UST: variants seen among roughly 807,000 people sequenced by gnomAD.
UST encodes uronyl 2-sulfotransferase, also known as chondroitin sulfate 2-O-sulfotransferase.
In UST, 21 loss-of-function variants were observed where a neutral mutation model predicts 45.6. The ratio of observed to expected loss-of-function variants is 0.46; its 90% confidence interval spans 0.33 to 0.66. The LOEUF (loss-of-function observed/expected upper bound fraction) is 0.66, where lower values mean the gene tolerates loss of function less well. Among genes scored for constraint, UST ranks in the 30% least tolerant of loss-of-function variants. The pLI is 0.02. For missense variants in UST, 463 were observed against 512.4 expected, an observed-to-expected ratio of 0.90 and a Z score of 0.93; for synonymous variants, 215 against 200.6, an observed-to-expected ratio of 1.07 and a Z score of -0.61.
intron 2 of UST, among the ~76,000 whole-genome samples, chr6:148,914,567 G>A (rs930972442): frequency 6.6e-6 from 1 of 152,170 alleles, no homozygotes; most frequent in Non-Finnish European, 1.5e-5. Flanking sequence ...GAATGTTTGT[G>A]TCCTCCCAAA....
At position 148,934,011 on chromosome 6, in the gene UST, T is replaced by C. The variant is rs1045539262; in HGVS notation, c.292-7268T>C. Among the ~76,000 whole-genome samples the C allele has an allele frequency of 5.9e-5, 9 of 152,346 alleles. No homozygotes were observed. Among genetic ancestry groups the C allele is most frequent in the African/African-American group, 2.2e-4 (9 of 41,590 alleles). ...ACAAACAAGGAAACACGGTAAAATC[T>C]AGTTTTAACTTTTAAGGCGTTTTCC... On this transcript the variant is annotated intron_variant, in intron 2 of 7. Coordinates refer to ENST00000367463, the MANE Select transcript of UST (RefSeq NM_005715.3). The surrounding 1 kb of genome is among the most constrained non-coding windows in gnomAD (Gnocchi z 4.1).
intron 1 of UST, among the ~76,000 whole-genome samples, chr6:148,791,527 A>G (rs185715411): frequency 5.3e-5 from 8 of 152,290 alleles, no homozygotes; most frequent in Non-Finnish European, 7.4e-5. Context: ...TTTCCACTCA[A>G]TTGCTCACTG....
At position 148,877,970 on chromosome 6, in the gene UST, G is replaced by GGGGGATCGTGTATGAGTGT. The variant is rs796660455; in HGVS notation, c.248-9004_248-9003insTGAGTGTGGGGATCGTGTA. Among the ~76,000 whole-genome samples the GGGGGATCGTGTATGAGTGT allele has an allele frequency of 5.0e-3, 454 of 90,456 alleles. 36 individuals carry two copies. Among genetic ancestry groups the GGGGGATCGTGTATGAGTGT allele is most frequent in the African/African-American group, 0.014 (260 of 18,696 alleles). The allele number at this position is 90,456 out of a possible 152,430, so 59.3% of individuals were successfully genotyped here. A position where few individuals can be genotyped will look rare whatever the true frequency, so the allele number is the denominator to read the frequency against. On this transcript the variant is annotated intron_variant, in intron 1 of 7. Coordinates refer to ENST00000367463, the MANE Select transcript of UST (RefSeq NM_005715.3). ...TGAGTGCGGGGGTCGTGTATGAGTGGGGGGATCGTGTACGAGTGTGGGGAG... is the reference window on the plus strand; with the variant it reads ...TGAGTGCGGGGGTCGTGTATGAGTGGGGGGATCGTGTATGAGTGTGGGGATCGTGTACGAGTGTGGGGAG...
At chr6:148,809,164 T>C (rs1777205476) in intron 1 of UST, among the ~76,000 whole-genome samples, 1 of 152,238 alleles carries the variant, frequency 6.6e-6, no homozygotes, top group African/African-American at 2.4e-5. Context: ...CACAGCTCAC[T>C]CAGGCCTTTG....
At chr6:148,826,287 A>G (rs1233664696) in intron 1 of UST, among the ~76,000 whole-genome samples, 2 of 152,074 alleles carry the variant, frequency 1.3e-5, no homozygotes, top group South Asian at 2.1e-4. Context: ...TAATTTTTGT[A>G]CTTTTAGTAG....
At chr6:148,765,734 A>G (rs553397082) in intron 1 of UST, among the ~76,000 whole-genome samples, 1 of 152,258 alleles carries the variant, frequency 6.6e-6, no homozygotes, top group South Asian at 2.1e-4. Context: ...CAGGCATAAG[A>G]AATTATAAAA....
intron 5 of UST, among the ~76,000 whole-genome samples, chr6:148,966,106 C>G (rs1780791386): frequency 1.3e-5 from 2 of 151,946 alleles, no homozygotes; most frequent in South Asian, 4.2e-4. Flanking sequence ...TGCCTGTGAT[C>G]CCAGCGAATT....
intron 1 of UST, among the ~76,000 whole-genome samples, chr6:148,778,517 G>T (rs946541714): frequency 6.6e-5 from 10 of 152,150 alleles, no homozygotes; most frequent in Non-Finnish European, 5.9e-5. Flanking sequence ...TTCCTGAGGC[G>T]AACACTGGCA....
intron 7 of UST, among the ~76,000 whole-genome samples, chr6:149,033,119 TG>T (rs1168018810): frequency 2.6e-5 from 4 of 152,312 alleles, no homozygotes; most frequent in South Asian, 4.1e-4. Context: ...AAAACGACCT[TG>T]TGGTCAGTTT....
At chr6:149,039,596 C>A (rs1165332371) in intron 7 of UST, among the ~76,000 whole-genome samples, 1 of 152,176 alleles carries the variant, frequency 6.6e-6, no homozygotes, top group African/African-American at 2.4e-5. Flanking sequence ...AGTCTAAGGA[C>A]CATACTCAGG....
chr6:148,924,007 ATGAGC>A (rs1301058511), intron 2 of UST, among the ~76,000 whole-genome samples: 4 of 152,188 alleles, frequency 2.6e-5, no homozygotes, highest in African/African-American at 9.7e-5. Flanking sequence ...ATTCAATGAA[ATGAGC>A]TTTATAAAGC....
chr6:149,031,100 A>G (rs770957512), intron 7 of UST, among the ~76,000 whole-genome samples: 1 of 151,958 alleles, frequency 6.6e-6, no homozygotes, highest in Non-Finnish European at 1.5e-5. Context: ...CCAGCTACTC[A>G]GGAGGCTGAG....
chr6:148,987,305 C>A (rs1781256330), intron 5 of UST, among the ~76,000 whole-genome samples: 1 of 152,152 alleles, frequency 6.6e-6, no homozygotes, highest in East Asian at 1.9e-4. Flanking sequence ...GCTTCCAGAT[C>A]TCCAGACTCT....
chr6:148,905,192 T>G (rs1228539310), intron 2 of UST, among the ~76,000 whole-genome samples: 1 of 152,222 alleles, frequency 6.6e-6, no homozygotes, highest in Non-Finnish European at 1.5e-5. Flanking sequence ...TGGGTACAGA[T>G]GGAGTGGCCT....
At chr6:148,901,806 G>A (rs544518563) in intron 2 of UST, among the ~76,000 whole-genome samples, 34 of 152,236 alleles carry the variant, frequency 2.2e-4, no homozygotes, top group African/African-American at 7.7e-4. Flanking sequence ...TGGTCCACCC[G>A]CCTCGGCCTC....
chr6:149,056,119 T>C (rs13207690), intron 7 of UST, among the ~76,000 whole-genome samples: 10 of 33,656 alleles, frequency 3.0e-4, no homozygotes, highest in African/African-American at 1.4e-3. Context: ...TTTCTTTTCT[T>C]TTTTTTTTTT....
intron 7 of UST, among the ~76,000 whole-genome samples, chr6:149,060,530 A>C (rs192014472): frequency 3.3e-5 from 5 of 152,328 alleles, no homozygotes; most frequent in African/African-American, 1.2e-4. Flanking sequence ...AATTCAGGAA[A>C]TGAGTTTACT....
intron 7 of UST, 140 bp downstream of exon 7, chr6:149,021,621 G>T (rs540903718): frequency 3.1e-5 from 32 of 1,022,794 alleles, no homozygotes; most frequent in Non-Finnish European, 4.3e-5. Context: ...GGCTTGCAAA[G>T]GAAAGTTAGA....
intron 7 of UST, among the ~76,000 whole-genome samples, chr6:149,044,370 T>G (rs899243799): frequency 2.0e-5 from 3 of 152,206 alleles, no homozygotes. Context: ...CAGTAGCTTA[T>G]TTGTGGCCTC....
Sources: gnomAD v4.1 joint callset for allele counts (sites outside exome capture counted in the v4.1 genomes callset) on GRCh38, gnomAD v4.1.1 for gene constraint, Gnocchi (gnomAD v3.1) non-coding constraint, MANE v1.5 for transcripts, NCBI Gene and HGNC (gene_info 2026-07-23, HGNC 2026-07-21) for gene names.